Variants in LRRC63 observed in about 807,000 individuals in gnomAD.
LRRC63 encodes the protein leucine rich repeat containing 63, also known as leucine-rich repeat-containing protein 63.
A neutral mutation model predicts 49.5 loss-of-function variants in LRRC63; 40 were observed. That is an observed-to-expected ratio of 0.81 (90% CI 0.63 to 1.05). The LOEUF is 1.05. Ranked by LOEUF, LRRC63 falls within the 50% of genes least tolerant of loss-of-function variation. The probability of loss-of-function intolerance (pLI) is 0.00; values close to 1 mark genes in which losing one functional copy is unlikely to be tolerated. For missense variants in LRRC63, 636 were observed against 663.1 expected, an observed-to-expected ratio of 0.96 and a Z score of 0.45; for synonymous variants, 191 against 221.1, an observed-to-expected ratio of 0.86 and a Z score of 1.21.
chr13:46,266,522 A>G (rs534550200), intron 8 of LRRC63, among the ~76,000 whole-genome samples: 1 of 152,318 alleles, frequency 6.6e-6, no homozygotes, highest in African/African-American at 2.4e-5. Context: ...AAACCGTGCT[A>G]TTCACTCAAA....
rs141980224 is a variant in LRRC63, at chr13:46,238,697, C to T, written c.990+4348C>T. The stretch of plus-strand genomic sequence containing the variant: ...TTTACCTCCCACCAGATCCCTCCCA[C>T]GACACATGGGGATTATGGGAGCTAC... On this transcript the variant is annotated intron_variant, in intron 5 of 9. Coordinates refer to ENST00000595396, the Ensembl canonical transcript of LRRC63. Among the ~76,000 whole-genome samples, 535 of 152,252 alleles carry T rather than the reference C, an allele frequency of 3.5e-3. 4 individuals carry two copies. The highest frequency in any genetic ancestry group is 0.012 in the African/African-American group (481 of 41,558).
At chr13:46,246,298 A>T (rs2047210737) in intron 5 of LRRC63, among the ~76,000 whole-genome samples, 1 of 152,158 alleles carries the variant, frequency 6.6e-6, no homozygotes, top group Non-Finnish European at 1.5e-5. Context: ...TAGTAGTGTG[A>T]GAACAGCCTA....
At chr13:46,226,619 G>C (rs1285958260) in intron 2 of LRRC63, among the ~76,000 whole-genome samples, 1 of 152,100 alleles carries the variant, frequency 6.6e-6, no homozygotes, top group Admixed American at 6.5e-5. Context: ...TTGAGATAGG[G>C]GACATCATCC....
chr13:46,220,714 C>T (rs1011957583), intron 2 of LRRC63, among the ~76,000 whole-genome samples: 2 of 151,290 alleles, frequency 1.3e-5, no homozygotes, highest in Non-Finnish European at 2.9e-5. Context: ...CAGTTTTGTG[C>T]TTGAAACCCA....
intron 7 of LRRC63, among the ~76,000 whole-genome samples, chr13:46,251,986 G>A (rs1723018758): frequency 6.6e-6 from 1 of 151,820 alleles, no homozygotes; most frequent in Admixed American, 6.6e-5. Context: ...AAAACTATTA[G>A]TGTTTCTGAA....
exon 3 of LRRC63, chr13:46,227,982 G>A (rs2046627505): frequency 6.4e-7 from 1 of 1,550,998 alleles, no homozygotes; most frequent in Non-Finnish European, 8.7e-7. Flanking sequence ...AGAGAGTCCA[G>A]GCTATACTTA....
At chr13:46,217,475 A>G (rs2046284610) in intron 2 of LRRC63, among the ~76,000 whole-genome samples, 1 of 151,804 alleles carries the variant, frequency 6.6e-6, no homozygotes. Context: ...ATCAGTTTTT[A>G]TTGTGTCTAT....
chr13:46,267,066 C>A (rs1275582691), intron 9 of LRRC63, 94 bp downstream of exon 9: 5 of 1,149,732 alleles, frequency 4.3e-6, no homozygotes, highest in African/African-American at 1.6e-5. Context: ...CACTAACATG[C>A]ACACATACTC....
intron 2 of LRRC63, among the ~76,000 whole-genome samples, chr13:46,214,990 A>G (rs140636314): frequency 0.012 from 1,795 of 152,172 alleles, 35 homozygotes; most frequent in African/African-American, 0.041. Flanking sequence ...TATGTACCAC[A>G]TTTTCTTTAT....
At chr13:46,227,805 A>C in exon 3 of LRRC63, 1 of 1,550,222 alleles carries the variant, frequency 6.5e-7, no homozygotes. Context: ...ACAAACAAAC[A>C]AAATGGAAAG....
At position 46,266,662 on chromosome 13, in the gene LRRC63, TGA is replaced by T. The variant is rs748144253; in HGVS notation, c.1311-69_1311-68del. 1.1e-3 allele frequency: 1,451 copies of T among 1,308,410 alleles called. 5 individuals are homozygous for T. Among genetic ancestry groups the T allele is most frequent in the Non-Finnish European group, 1.3e-3 (1,267 of 975,248 alleles). 81.1% of individuals were successfully genotyped at this position (1,308,410 alleles called of 1,614,324 possible). On this transcript the variant is annotated intron_variant, in intron 8 of 9. Transcript: ENST00000595396. The stretch of plus-strand genomic sequence containing the variant: ...TTTGATGCCAATTTTCATGAACAAT[TGA>T]GGCAGAATTTTACTTTAATATTATG...
chr13:46,274,260 G>A (rs1469609955), intron 9 of LRRC63, among the ~76,000 whole-genome samples: 1 of 152,156 alleles, frequency 6.6e-6, no homozygotes, highest in African/African-American at 2.4e-5. Flanking sequence ...GATGAAAAAT[G>A]ACAAAGGGTT....
At chr13:46,263,368 G>T (rs1208399515) in intron 8 of LRRC63, among the ~76,000 whole-genome samples, 1 of 151,726 alleles carries the variant, frequency 6.6e-6, no homozygotes, top group Non-Finnish European at 1.5e-5. Flanking sequence ...AGAGATGGGG[G>T]TCTCACTATG....
intron 2 of LRRC63, among the ~76,000 whole-genome samples, chr13:46,227,196 G>A (rs1442665573): frequency 1.3e-5 from 2 of 152,186 alleles, no homozygotes; most frequent in Non-Finnish European, 2.9e-5. Flanking sequence ...CAGAGTTTTA[G>A]TGATAACCTC....
chr13:46,251,307 A>C (rs989472755), intron 7 of LRRC63, among the ~76,000 whole-genome samples: 3 of 151,924 alleles, frequency 2.0e-5, no homozygotes, highest in African/African-American at 7.2e-5. Flanking sequence ...TAAAAGAATA[A>C]GAAATTATAT....
intron 4 of LRRC63, among the ~76,000 whole-genome samples, chr13:46,230,696 T>C (rs1312099009): frequency 1.3e-5 from 2 of 152,234 alleles, no homozygotes; most frequent in Non-Finnish European, 2.9e-5. Context: ...CTCTAGCAAG[T>C]GGTTACTCTA....
In LRRC63 at chr13:46,251,432, T is replaced by G. The variant is rs542415407; in HGVS notation, c.1226+941T>G. Reference sequence around the variant, plus strand: ...AGTAAGAATGTTACATATGGGTATTTTATTTCTGTTTGACTCATCCGGATT... The same window carrying G: ...AGTAAGAATGTTACATATGGGTATTGTATTTCTGTTTGACTCATCCGGATT... On this transcript the variant is annotated intron_variant, in intron 7 of 9. Coordinates refer to ENST00000595396, the Ensembl canonical transcript of LRRC63. Among the ~76,000 whole-genome samples, 253 of 152,022 alleles carry G rather than the reference T, an allele frequency of 1.7e-3. 2 individuals are homozygous for G. The highest frequency in any genetic ancestry group is 5.7e-3 in the African/African-American group (235 of 41,540).
At chr13:46,249,823 ATTAT>A (rs1367108899) in intron 6 of LRRC63, 1 of 152,020 alleles carries the variant, frequency 6.6e-6, no homozygotes, top group African/African-American at 2.4e-5. Flanking sequence ...AAGATCATAG[ATTAT>A]TTCTTTGTTT....
chr13:46,271,717 AAACT>A (rs2047760640), intron 9 of LRRC63, among the ~76,000 whole-genome samples: 2 of 133,262 alleles, frequency 1.5e-5, no homozygotes, highest in Non-Finnish European at 3.3e-5. Context: ...CACATCATTT[AAACT>A]AAAAAAAAAA....
Sources: gnomAD v4.1 joint callset for allele counts (sites outside exome capture counted in the v4.1 genomes callset) on GRCh38, gnomAD v4.1.1 for gene constraint, MANE v1.5 for transcripts, NCBI Gene and HGNC (gene_info 2026-07-23, HGNC 2026-07-21) for gene names.